CNTNAP4: variants seen among roughly 807,000 people sequenced by gnomAD.
CNTNAP4 encodes contactin associated protein family member 4.
A neutral mutation model predicts 148.4 loss-of-function variants in CNTNAP4; 98 were observed. That is an observed-to-expected ratio of 0.66 (90% CI 0.56 to 0.78). The LOEUF (loss-of-function observed/expected upper bound fraction) is 0.78, where lower values mean the gene tolerates loss of function less well. Ranked by LOEUF, CNTNAP4 falls within the 30% of genes least tolerant of loss-of-function variation. CNTNAP4 has a pLI of 0.00. For synonymous variants in CNTNAP4, 730 were observed against 565.1 expected, an observed-to-expected ratio of 1.29 and a Z score of -4.14; for missense variants, 1,935 against 1,565.6, an observed-to-expected ratio of 1.24 and a Z score of -3.98.
chr16:76,436,112 A>G (rs2079816082), intron 4 of CNTNAP4, among the ~76,000 whole-genome samples: 1 of 152,020 alleles, frequency 6.6e-6, no homozygotes, highest in Non-Finnish European at 1.5e-5. Flanking sequence ...GTTCCTCAGG[A>G]GAATCAACAT....
At chr16:76,487,838 G>C (rs1463525568) in intron 12 of CNTNAP4, among the ~76,000 whole-genome samples, 3 of 152,180 alleles carry the variant, frequency 2.0e-5, no homozygotes, top group Admixed American at 6.5e-5. Flanking sequence ...CTATGGCCTT[G>C]AATCTCTTGC....
intron 3 of CNTNAP4, among the ~76,000 whole-genome samples, chr16:76,370,472 T>C (rs993138183): frequency 6.6e-6 from 1 of 152,174 alleles, no homozygotes; most frequent in African/African-American, 2.4e-5. Flanking sequence ...AGTAGCAGCC[T>C]GAGGCAGAGC....
chr16:76,521,473 TAA>T, intron 16 of CNTNAP4, among the ~76,000 whole-genome samples, 163 bp downstream of exon 16: 1 of 152,218 alleles, frequency 6.6e-6, no homozygotes, highest in African/African-American at 2.4e-5. Flanking sequence ...TGTAAGAAAA[TAA>T]TTTGATACTT....
rs572747384 is a variant in CNTNAP4, at chr16:76,353,040, G to A, written c.197-2278G>A. ...AAGCATAAAGGTAGATAATATTGGT[G>A]TACAACGAAACTGCACCCCAAATCA... On this transcript the variant is annotated intron_variant, in intron 2 of 23. Coordinates refer to ENST00000611870, the MANE Select transcript of CNTNAP4 (RefSeq NM_033401.5). Among the ~76,000 whole-genome samples the A allele has an allele frequency of 3.3e-5, 5 of 152,242 alleles. No homozygotes were observed. The South Asian group carries it at 1.0e-3, about 32-fold the overall frequency.
intron 2 of CNTNAP4, among the ~76,000 whole-genome samples, chr16:76,352,846 G>C (rs1161217694): frequency 6.6e-6 from 1 of 152,098 alleles, no homozygotes; most frequent in Non-Finnish European, 1.5e-5. Flanking sequence ...TATTTAAAGT[G>C]TGCTTCAGAT....
intron 17 of CNTNAP4, among the ~76,000 whole-genome samples, chr16:76,528,282 T>C (rs887442815): frequency 2.6e-4 from 39 of 152,160 alleles, no homozygotes; most frequent in African/African-American, 8.7e-4. Flanking sequence ...AAATTTGAGA[T>C]GGATCTCTCT....
intron 1 of CNTNAP4, among the ~76,000 whole-genome samples, chr16:76,285,296 G>C (rs1173451331): frequency 1.3e-5 from 2 of 151,996 alleles, no homozygotes; most frequent in African/African-American, 4.8e-5. Flanking sequence ...TCATTCCAAT[G>C]TAATAATTGG....
chr16:76,559,414 G>C lies in CNTNAP4; in HGVS notation c.*731G>C, dbSNP rs2085333005. On this transcript the variant is annotated 3_prime_UTR_variant, in exon 24 of 24. Coordinates refer to ENST00000611870, the MANE Select transcript of CNTNAP4 (RefSeq NM_033401.5). The stretch of plus-strand genomic sequence containing the variant: ...TGTAATGTCTTTCCTTTTAAAAAAA[G>C]TTTTCCAATTAATTTGCTACCATTG... Among the ~76,000 whole-genome samples, 2 of 150,730 alleles carry C rather than the reference G, an allele frequency of 1.3e-5. No individual in the cohort carries two copies. Among genetic ancestry groups the C allele is most frequent in the South Asian group, 4.2e-4 (2 of 4,760 alleles).
At chr16:76,487,973 C>A (rs1229964087) in intron 12 of CNTNAP4, among the ~76,000 whole-genome samples, 1 of 152,136 alleles carries the variant, frequency 6.6e-6, no homozygotes, top group Non-Finnish European at 1.5e-5. Context: ...GGTATATTGT[C>A]CGCCTTGCTT....
At chr16:76,332,912 G>A (rs1225858912) in intron 2 of CNTNAP4, among the ~76,000 whole-genome samples, 1 of 152,108 alleles carries the variant, frequency 6.6e-6, no homozygotes, top group Non-Finnish European at 1.5e-5. Flanking sequence ...CAGGTTAGTG[G>A]TACGGGCCAG....
chr16:76,495,608 G>T (rs1388971702), intron 14 of CNTNAP4, among the ~76,000 whole-genome samples: 1 of 104,516 alleles, frequency 9.6e-6, no homozygotes, highest in East Asian at 3.6e-4. Flanking sequence ...TCTAAGCAGA[G>T]AAGAATCTTA....
At chr16:76,345,458 G>C (rs912973971) in intron 2 of CNTNAP4, among the ~76,000 whole-genome samples, 14 of 152,210 alleles carry the variant, frequency 9.2e-5, no homozygotes, top group African/African-American at 3.4e-4. Context: ...CAAAAGTATT[G>C]TGACAGAGGT....
intron 3 of CNTNAP4, among the ~76,000 whole-genome samples, chr16:76,371,335 G>C (rs560721613): frequency 6.6e-6 from 1 of 152,124 alleles, no homozygotes; most frequent in Non-Finnish European, 1.5e-5. Flanking sequence ...GCCTGGGCTG[G>C]AGTGCAGTGG....
In CNTNAP4 at chr16:76,342,597, C is replaced by G. The variant is rs1481173838; in HGVS notation, c.197-12721C>G. The stretch of plus-strand genomic sequence containing the variant: ...ACACCATTCTCCTGTGTCAGCCTCC[C>G]AAGCAGCTGGGACTACAGGCACCCG... On this transcript the variant is annotated intron_variant, in intron 2 of 23. Coordinates refer to ENST00000611870, the MANE Select transcript of CNTNAP4 (RefSeq NM_033401.5). Among the ~76,000 whole-genome samples the G allele has an allele frequency of 2.7e-5, 4 of 150,730 alleles. No homozygotes were observed. In the East Asian group the frequency reaches 5.9e-4, roughly 22 times the overall value.
rs2078619135 is a variant in CNTNAP4 at position 76,406,974 on chromosome 16, A to G, written c.391-20478A>G. Reference sequence around the variant, plus strand: ...ACTAAACAACAGATTTTCAGCATAGATGAAACAGCCTTCTATTGGAAGATG... The same window carrying G: ...ACTAAACAACAGATTTTCAGCATAGGTGAAACAGCCTTCTATTGGAAGATG... On this transcript the variant is annotated intron_variant, in intron 3 of 23. Transcript: ENST00000611870. Among the ~76,000 whole-genome samples, 2 of 152,168 alleles carry G rather than the reference A, an allele frequency of 1.3e-5. 1 individual carries two copies. Among genetic ancestry groups the G allele is most frequent in the South Asian group, 4.1e-4 (2 of 4,834 alleles).
intron 4 of CNTNAP4, among the ~76,000 whole-genome samples, chr16:76,434,944 T>C (rs184795692): frequency 5.3e-4 from 81 of 152,248 alleles, no homozygotes; most frequent in Admixed American, 1.1e-3. Context: ...ACAATGATGT[T>C]TTAGGTCCCC....
chr16:76,513,858 A>G (rs1223968155), intron 15 of CNTNAP4, among the ~76,000 whole-genome samples: 1 of 152,220 alleles, frequency 6.6e-6, no homozygotes, highest in East Asian at 1.9e-4. Flanking sequence ...TTTTGTTAGT[A>G]AATGGCCAAT....
chr16:76,390,384 C>A (rs955658340), intron 3 of CNTNAP4, among the ~76,000 whole-genome samples: 1 of 151,990 alleles, frequency 6.6e-6, no homozygotes, highest in South Asian at 2.1e-4. Flanking sequence ...GTGAGCTGGG[C>A]TATACATAGA....
chr16:76,418,369 G>T (rs2079060723), intron 3 of CNTNAP4, among the ~76,000 whole-genome samples: 2 of 132,372 alleles, frequency 1.5e-5, no homozygotes, highest in Admixed American at 7.7e-5. Context: ...ATTACAGCTT[G>T]AGAAATTTGT....
Sources: gnomAD v4.1 joint callset for allele counts (sites outside exome capture counted in the v4.1 genomes callset) on GRCh38, gnomAD v4.1.1 for gene constraint, MANE v1.5 for transcripts, NCBI Gene and HGNC (gene_info 2026-07-23, HGNC 2026-07-21) for gene names.